The following RAD18 variants were observed in gnomAD, a reference collection of about 807,000 sequenced individuals.
RAD18 encodes E3 ubiquitin-protein ligase RAD18.
In RAD18, 47 loss-of-function variants were observed where a neutral mutation model predicts 60.4. The observed-to-expected ratio is 0.78, with a 90% CI of 0.62 to 0.99. RAD18 has a LOEUF of 0.99. Ranked by LOEUF, RAD18 falls within the 50% of genes least tolerant of loss-of-function variation. The probability of loss-of-function intolerance (pLI) is 0.00; values close to 1 mark genes in which losing one functional copy is unlikely to be tolerated. For missense variants in RAD18, 640 were observed against 593.3 expected (o/e 1.08, Z -0.82); for synonymous variants, 225 against 195.5 (o/e 1.15, Z -1.26).
intron 7 of RAD18, among the ~76,000 whole-genome samples, chr3:8,929,913 C>T (rs942812543): frequency 2.4e-4 from 36 of 152,176 alleles, no homozygotes; most frequent in Admixed American, 2.2e-3. Flanking sequence ...AAACAAAGTG[C>T]TGGGATTACA....
At chr3:8,925,274 T>A (rs948470750) in intron 7 of RAD18, among the ~76,000 whole-genome samples, 2 of 152,244 alleles carry the variant, frequency 1.3e-5, no homozygotes, top group East Asian at 1.9e-4. Flanking sequence ...CAGAGAATAC[T>A]ATAAACACCT....
chr3:8,881,049 A>T lies in RAD18; in HGVS notation c.*308T>A. The T allele has an allele frequency of 4.2e-6, 1 of 235,324 alleles. No individual in the cohort carries two copies. The highest frequency in any genetic ancestry group is 8.2e-6 in the Non-Finnish European group (1 of 121,318). 14.6% of individuals were successfully genotyped at this position (235,324 alleles called of 1,614,324 possible). The stretch of plus-strand genomic sequence containing the variant: ...CATTCTGAAATTTAATTATCAAACC[A>T]AACCAAACCAAACCAAATCCCTGTG... On this transcript the variant is annotated 3_prime_UTR_variant, in exon 13 of 13. Coordinates refer to ENST00000264926, the MANE Select transcript of RAD18 (RefSeq NM_020165.4).
chr3:8,902,161 T>A (rs975112926), intron 10 of RAD18, among the ~76,000 whole-genome samples: 1 of 152,214 alleles, frequency 6.6e-6, no homozygotes, highest in Non-Finnish European at 1.5e-5. Flanking sequence ...GAAAGGACGA[T>A]AGACAAAAAG....
chr3:8,895,758 T>A (rs762704977), intron 11 of RAD18, among the ~76,000 whole-genome samples: 1 of 152,206 alleles, frequency 6.6e-6, no homozygotes, highest in East Asian at 1.9e-4. Flanking sequence ...CAACCTGTTT[T>A]CTCATCTCCA....
intron 12 of RAD18, among the ~76,000 whole-genome samples, chr3:8,883,578 C>T (rs1939509090): frequency 6.6e-6 from 1 of 152,162 alleles, no homozygotes; most frequent in Non-Finnish European, 1.5e-5. Context: ...ATGCAATCAA[C>T]ATTCACTCAA....
In RAD18 at chr3:8,925,394, G is replaced by A. The variant is rs532973781; in HGVS notation, c.889+10477C>T. On this transcript the variant is annotated intron_variant, in intron 7 of 12. Transcript: ENST00000264926. ...TGAATCTCTGAATAAACCAATAACA[G>A]GCTCTGAAATTGAGGCAATAATTAA... is the stretch of plus-strand genomic sequence containing the variant. Among the ~76,000 whole-genome samples the A allele has an allele frequency of 5.8e-4, 88 of 152,212 alleles. No homozygotes were observed. In the South Asian group the frequency reaches 6.6e-3, roughly 11 times the overall value.
chr3:8,939,497 G>C, intron 6 of RAD18, 57 bp downstream of exon 6: 2 of 1,399,578 alleles, frequency 1.4e-6, no homozygotes, highest in Non-Finnish European at 2.0e-6. Context: ...TTTCCCCCAA[G>C]TAAGCACAAG....
Position 8,945,410 on chromosome 3 carries a change from G to A in RAD18, c.266+1810C>T, listed in dbSNP as rs1029566067. On this transcript the variant is annotated intron_variant, in intron 4 of 12. Coordinates refer to ENST00000264926, the MANE Select transcript of RAD18 (RefSeq NM_020165.4). Reference sequence around the variant, plus strand: ...AGCTGAAAAATTCCCATTGCTAAGTGACATCTTGATAATCCTAACCCTGTG... The same window carrying A: ...AGCTGAAAAATTCCCATTGCTAAGTAACATCTTGATAATCCTAACCCTGTG... 8.0e-5 allele frequency among the ~76,000 whole-genome samples: 12 copies of A among 150,756 alleles called. No individual in the cohort carries two copies. The South Asian group carries it at 2.1e-3, about 26-fold the overall frequency.
chr3:8,900,227 G>A (rs1939880701), intron 10 of RAD18, among the ~76,000 whole-genome samples: 1 of 152,038 alleles, frequency 6.6e-6, no homozygotes, highest in South Asian at 2.1e-4. Context: ...TCTGGAAAAG[G>A]GAAAAAGAAT....
intron 6 of RAD18, among the ~76,000 whole-genome samples, chr3:8,936,584 T>C (rs45494701): frequency 6.9e-4 from 105 of 152,318 alleles, no homozygotes; most frequent in Admixed American, 6.0e-3. Context: ...AATTAGATGC[T>C]TAACAAAAAT....
intron 7 of RAD18, among the ~76,000 whole-genome samples, chr3:8,933,520 A>G (rs1021104812): frequency 6.6e-6 from 1 of 152,232 alleles, no homozygotes; most frequent in Non-Finnish European, 1.5e-5. Context: ...CATTGGATAT[A>G]AGGAAACTAT....
At chr3:8,887,009 C>A (rs998010248) in intron 12 of RAD18, among the ~76,000 whole-genome samples, 1 of 152,160 alleles carries the variant, frequency 6.6e-6, no homozygotes, top group African/African-American at 2.4e-5. Flanking sequence ...GAACTGGTAA[C>A]AGACCAAGGC....
chr3:8,919,818 T>C (rs1575546297), intron 7 of RAD18, among the ~76,000 whole-genome samples: 1 of 146,204 alleles, frequency 6.8e-6, no homozygotes, highest in Non-Finnish European at 1.5e-5. Flanking sequence ...CTTGTTATGT[T>C]AGAAATAAGA....
chr3:8,898,381 C>CGTGTGTGT (rs59853617), intron 11 of RAD18, among the ~76,000 whole-genome samples: 2,531 of 148,430 alleles, frequency 0.017, 58 homozygotes, highest in African/African-American at 0.06. Flanking sequence ...TGTGTGCATG[C>CGTGTGTGT]GTGTGTGTGT....
chr3:8,963,193 G>C, intron 1 of RAD18, 142 bp downstream of exon 1: 1 of 904,852 alleles, frequency 1.1e-6, no homozygotes, highest in Non-Finnish European at 1.6e-6. Flanking sequence ...CGGTCGGCTA[G>C]TGGCAGGGCA....
At chr3:8,947,752 A>C (rs899091900) in intron 3 of RAD18, among the ~76,000 whole-genome samples, 2 of 152,250 alleles carry the variant, frequency 1.3e-5, no homozygotes, top group African/African-American at 4.8e-5. Context: ...ATTTGGCATG[A>C]ATGGTACACA....
intron 2 of RAD18, among the ~76,000 whole-genome samples, chr3:8,951,900 T>C (rs998890164): frequency 2.0e-5 from 3 of 152,252 alleles, no homozygotes; most frequent in African/African-American, 7.2e-5. Flanking sequence ...CTTTCTGGCC[T>C]ATAGACAACC....
intron 4 of RAD18, 77 bp from the exon 5 acceptor site, chr3:8,941,881 C>T (rs1265379922): frequency 3.8e-6 from 5 of 1,321,510 alleles, no homozygotes. Context: ...AAGCTGTTTT[C>T]CCAATTAACC....
At chr3:8,932,539 TG>T (rs1169479043) in intron 7 of RAD18, among the ~76,000 whole-genome samples, 2 of 152,114 alleles carry the variant, frequency 1.3e-5, no homozygotes, top group African/African-American at 4.8e-5. Flanking sequence ...GTGGCAAAAG[TG>T]GGACTCTCTC....
Sources: gnomAD v4.1 joint callset for allele counts (sites outside exome capture counted in the v4.1 genomes callset) on GRCh38, gnomAD v4.1.1 for gene constraint, MANE v1.5 for transcripts, NCBI Gene and HGNC (gene_info 2026-07-23, HGNC 2026-07-21) for gene names.